Variants in THSD7B observed in about 807,000 individuals in gnomAD.
The protein encoded by THSD7B is thrombospondin type 1 domain containing 7B.
In THSD7B, 138 loss-of-function variants were observed where a neutral mutation model predicts 213.6. The ratio of observed to expected loss-of-function variants is 0.65; its 90% CI spans 0.56 to 0.74. THSD7B has a LOEUF of 0.74. Ranked by LOEUF, THSD7B falls within the 30% of genes least tolerant of loss-of-function variation. The pLI, the probability that THSD7B is intolerant of heterozygous loss-of-function variation, is 0.00. For missense variants in THSD7B, 1,931 were observed against 1,991.5 expected (o/e 0.97, Z 0.58); for synonymous variants, 742 against 687.0 (o/e 1.08, Z -1.25).
At chr2:136,823,527 C>A (rs1429194964) in intron 1 of THSD7B, among the ~76,000 whole-genome samples, 1 of 151,992 alleles carries the variant, frequency 6.6e-6, no homozygotes, top group Admixed American at 6.6e-5. Context: ...CCAGTAATAC[C>A]CTTTAACTTT....
chr2:137,192,033 A>T (rs1680669542), intron 7 of THSD7B, among the ~76,000 whole-genome samples: 1 of 152,190 alleles, frequency 6.6e-6, no homozygotes, highest in Middle Eastern at 3.4e-3. Flanking sequence ...TTTCCTTAGG[A>T]TGAATTGTTG....
At chr2:137,623,924 A>G (rs1238236894) in intron 20 of THSD7B, among the ~76,000 whole-genome samples, 1 of 152,216 alleles carries the variant, frequency 6.6e-6, no homozygotes, top group Non-Finnish European at 1.5e-5. Flanking sequence ...TATAGATTCA[A>G]TGCCATCCCT....
chr2:137,588,469 A>G (rs1273256270), intron 17 of THSD7B, among the ~76,000 whole-genome samples: 1 of 150,086 alleles, frequency 6.7e-6, no homozygotes, highest in Non-Finnish European at 1.5e-5. Flanking sequence ...TGGAGCTGGA[A>G]TATTTTTCAG....
intron 12 of THSD7B, among the ~76,000 whole-genome samples, chr2:137,283,711 G>T (rs1035219122): frequency 1.3e-5 from 2 of 152,108 alleles, no homozygotes; most frequent in East Asian, 3.9e-4. Context: ...TTATTGATTT[G>T]CGTATGTTGA....
intron 14 of THSD7B, among the ~76,000 whole-genome samples, chr2:137,436,621 G>A (rs979970241): frequency 6.6e-6 from 1 of 151,890 alleles, no homozygotes; most frequent in Non-Finnish European, 1.5e-5. Context: ...TCAATTCTTG[G>A]CCATTCAACT....
intron 14 of THSD7B, among the ~76,000 whole-genome samples, chr2:137,424,932 C>T (rs1197859467): frequency 6.6e-6 from 1 of 151,754 alleles, no homozygotes; most frequent in African/African-American, 2.4e-5. Flanking sequence ...ATTAGCTGGG[C>T]ATGGTGGCAG....
At chr2:137,591,101 GTT>G (rs1238718548) in intron 17 of THSD7B, among the ~76,000 whole-genome samples, 1 of 151,544 alleles carries the variant, frequency 6.6e-6, no homozygotes, top group Non-Finnish European at 1.5e-5. Context: ...TTTGTTAAAA[GTT>G]TACCCCTTTG....
chr2:137,355,455 G>A (rs932996826), intron 12 of THSD7B, among the ~76,000 whole-genome samples: 4 of 152,008 alleles, frequency 2.6e-5, no homozygotes, highest in Admixed American at 6.6e-5. Context: ...AAGATACGTC[G>A]TAACACCTAT....
At chr2:137,445,521 CTG>C (rs776118524) in intron 14 of THSD7B, among the ~76,000 whole-genome samples, 6 of 151,838 alleles carry the variant, frequency 4.0e-5, no homozygotes, top group Non-Finnish European at 8.8e-5. Context: ...AAGACAAATA[CTG>C]TGTGTTCTTA....
chr2:137,648,568 T>C (rs575154453), intron 21 of THSD7B, among the ~76,000 whole-genome samples: 1 of 152,306 alleles, frequency 6.6e-6, no homozygotes, highest in African/African-American at 2.4e-5. Context: ...TTCTTCCTTA[T>C]GGTTGAGTAA....
intron 12 of THSD7B, among the ~76,000 whole-genome samples, chr2:137,398,508 G>T (rs540991269): frequency 2.1e-4 from 32 of 152,086 alleles, no homozygotes; most frequent in African/African-American, 6.5e-4. Flanking sequence ...ACTTGAGGAG[G>T]CAGTCTACCC....
chr2:137,415,545 C>T (rs1348904830), intron 14 of THSD7B, among the ~76,000 whole-genome samples: 1 of 152,046 alleles, frequency 6.6e-6, no homozygotes, highest in East Asian at 1.9e-4. Context: ...ATGGTGTCGT[C>T]TCCATCTGTG....
intron 14 of THSD7B, among the ~76,000 whole-genome samples, chr2:137,433,665 T>G (rs1687233402): frequency 6.6e-6 from 1 of 152,200 alleles, no homozygotes; most frequent in African/African-American, 2.4e-5. Flanking sequence ...ATTTTTCTAC[T>G]TTCTCTAGGC....
intron 14 of THSD7B, among the ~76,000 whole-genome samples, chr2:137,445,089 T>C (rs1020929032): frequency 2.0e-5 from 3 of 151,836 alleles, no homozygotes; most frequent in African/African-American, 7.2e-5. Flanking sequence ...ATGGCTATTA[T>C]CAAAAAGGTA....
intron 2 of THSD7B, among the ~76,000 whole-genome samples, chr2:136,930,916 G>C (rs1684617390): frequency 6.6e-6 from 1 of 152,014 alleles, no homozygotes; most frequent in Non-Finnish European, 1.5e-5. Flanking sequence ...TCTCAGGCTG[G>C]TTCAATATAG....
intron 12 of THSD7B, among the ~76,000 whole-genome samples, chr2:137,395,852 G>T (rs1331436150): frequency 6.7e-6 from 1 of 148,640 alleles, no homozygotes; most frequent in Non-Finnish European, 1.5e-5. Context: ...CCTGTTATTG[G>T]TCTATTCAGA....
chr2:137,288,471 T>A (rs1355807114), intron 12 of THSD7B, among the ~76,000 whole-genome samples: 1 of 152,010 alleles, frequency 6.6e-6, no homozygotes, highest in Non-Finnish European at 1.5e-5. Context: ...AGCAGGGGGT[T>A]TTTGAAGACT....
chr2:137,265,256 A>G lies in THSD7B; in HGVS notation c.2267-7277A>G, dbSNP rs548699432. ...CATCAGAGAAATGCAAATCAAAACC[A>G]CAATGAGATACCATCTCACACCAGT... On this transcript the variant is annotated intron_variant, in intron 10 of 27. Transcript: ENST00000409968. Among the ~76,000 whole-genome samples, 10 of 152,342 alleles carry G rather than the reference A, an allele frequency of 6.6e-5. No homozygotes were observed. The East Asian group carries it at 1.7e-3, about 26-fold the overall frequency.
intron 7 of THSD7B, among the ~76,000 whole-genome samples, chr2:137,171,417 C>G (rs1680249205): frequency 1.3e-5 from 2 of 152,158 alleles, no homozygotes; most frequent in Non-Finnish European, 2.9e-5. Context: ...CAGCTATAGA[C>G]ACAATACTAA....
Sources: gnomAD v4.1 joint callset for allele counts (sites outside exome capture counted in the v4.1 genomes callset) on GRCh38, gnomAD v4.1.1 for gene constraint, MANE v1.5 for transcripts, NCBI Gene and HGNC (gene_info 2026-07-23, HGNC 2026-07-21) for gene names.